USP7: variants seen among roughly 807,000 people sequenced by gnomAD.
USP7 encodes ubiquitin specific peptidase 7.
USP7 carries 9 observed loss-of-function variants against 162.9 expected under a neutral mutation model. The ratio of observed to expected loss-of-function variants is 0.06; its 90% CI spans 0.03 to 0.10. The LOEUF is 0.10. Ranked by LOEUF, USP7 falls within the 10% of genes least tolerant of loss-of-function variation. The pLI is 1.00. For missense variants in USP7, 715 were observed against 1,373.7 expected, an observed-to-expected ratio of 0.52 and a Z score of 7.58; for synonymous variants, 562 against 475.9, an observed-to-expected ratio of 1.18 and a Z score of -2.35.
rs144266553 is a variant in USP7 at position 8,948,685 on chromosome 16, A to C, written c.79+14522T>G. 2.4e-3 allele frequency among the ~76,000 whole-genome samples: 365 copies of C among 152,356 alleles called. 2 individuals are homozygous for C. The highest frequency in any genetic ancestry group is 8.6e-3 in the African/African-American group (356 of 41,580). ...GGAACGACTACTGGCTACGATGTGG[A>C]TGAACCTTGAGGATATTAAGCTAAG... On this transcript the variant is annotated intron_variant, in intron 1 of 30. Coordinates refer to ENST00000344836, the MANE Select transcript of USP7 (RefSeq NM_003470.3).
At chr16:8,958,894 T>G (rs1899904803) in intron 1 of USP7, among the ~76,000 whole-genome samples, 1 of 152,236 alleles carries the variant, frequency 6.6e-6, no homozygotes, top group Non-Finnish European at 1.5e-5. Flanking sequence ...CAGCATTGCT[T>G]AGGCAGAGGC....
intron 2 of USP7, among the ~76,000 whole-genome samples, chr16:8,930,092 G>C (rs370236209): frequency 6.6e-6 from 1 of 152,106 alleles, no homozygotes; most frequent in East Asian, 1.9e-4. Context: ...CCTAGGCTAG[G>C]GAGACTCTAC....
chr16:8,945,079 C>G (rs1031181366), intron 1 of USP7, among the ~76,000 whole-genome samples: 1 of 152,184 alleles, frequency 6.6e-6, no homozygotes, highest in African/African-American at 2.4e-5. Flanking sequence ...TGATGAAACC[C>G]CATCTGTACT....
In USP7 at chr16:8,963,717, T is replaced by C. The variant is rs1341808227; in HGVS notation, c.-432A>G. ...GGCCGGGCGCGGCGGACGGGAGGCC[T>C]GGCCGGCCGCGGCGGGCCTGCGGGC... On this transcript the variant is annotated 5_prime_UTR_variant, in exon 1 of 31. Transcript: ENST00000344836. Among the ~76,000 whole-genome samples, 4 of 137,412 alleles carry C rather than the reference T, an allele frequency of 2.9e-5. No homozygotes were observed. The highest frequency in any genetic ancestry group is 1.1e-4 in the African/African-American group (4 of 37,928). 90.1% of individuals were successfully genotyped at this position (137,412 alleles called of 152,430 possible). A position where few individuals can be genotyped will look rare whatever the true frequency, so the allele number is the denominator to read the frequency against.
chr16:8,919,199 G>A (rs1596376798), intron 5 of USP7, 60 bp from the exon 6 acceptor site: 2 of 1,550,154 alleles, frequency 1.3e-6, no homozygotes, highest in East Asian at 4.5e-5. Flanking sequence ...CCTGCAGTGT[G>A]TGTGAAGCAA....
At chr16:8,921,601 AG>A (rs1706639485) in intron 3 of USP7, among the ~76,000 whole-genome samples, 1 of 152,204 alleles carries the variant, frequency 6.6e-6, no homozygotes, top group Non-Finnish European at 1.5e-5. Context: ...CTGCCGATAT[AG>A]GGGTCACCTC....
intron 30 of USP7, 78 bp from the exon 31 acceptor site, chr16:8,894,182 A>G: frequency 7.4e-7 from 1 of 1,356,828 alleles, no homozygotes; most frequent in Non-Finnish European, 1.1e-6. Context: ...CCAGTGAGGC[A>G]TGCATCCCTG....
chr16:8,919,338 G>T (rs1381739684), intron 5 of USP7, among the ~76,000 whole-genome samples, 199 bp from the exon 6 acceptor site: 2 of 151,872 alleles, frequency 1.3e-5, no homozygotes, highest in Non-Finnish European at 2.9e-5. Context: ...CCCCACATTC[G>T]CACAGCCCTC....
In USP7 at chr16:8,902,792, G is replaced by A. The variant is rs200042321; in HGVS notation, c.1840-310C>T. On this transcript the variant is annotated intron_variant, in intron 16 of 30. Coordinates refer to ENST00000344836, the MANE Select transcript of USP7 (RefSeq NM_003470.3). ...AATCCCAGCTACTTGGGAGGCTGAGGCAGGAGAATTGCTTGAAACCAAAAG... is the reference window on the plus strand; with the variant it reads ...AATCCCAGCTACTTGGGAGGCTGAGACAGGAGAATTGCTTGAAACCAAAAG... 7.9e-5 allele frequency among the ~76,000 whole-genome samples: 12 copies of A among 152,256 alleles called. No homozygotes were observed. The East Asian group carries it at 2.1e-3, about 27-fold the overall frequency.
intron 1 of USP7, among the ~76,000 whole-genome samples, chr16:8,961,170 C>T (rs982247790): frequency 6.6e-6 from 1 of 151,998 alleles, no homozygotes; most frequent in Admixed American, 6.6e-5. Flanking sequence ...TGATGAATTT[C>T]TAAAAATTCA....
chr16:8,922,826 T>C lies in USP7; in HGVS notation c.383+389A>G, dbSNP rs1475498579. The stretch of plus-strand genomic sequence containing the variant: ...CATGTTGTATAAATCCTTCACAAAG[T>C]ATGTTTTACTTGTACTTTCTGAACA... On this transcript the variant is annotated intron_variant, in intron 3 of 30. Coordinates refer to ENST00000344836, the MANE Select transcript of USP7 (RefSeq NM_003470.3). Among the ~76,000 whole-genome samples, 3 of 152,228 alleles carry C rather than the reference T, an allele frequency of 2.0e-5. No homozygotes were observed. In the East Asian group the frequency reaches 5.8e-4, roughly 29 times the overall value.
At chr16:8,930,466 A>G in intron 1 of USP7, 69 bp from the exon 2 acceptor site, 1 of 1,122,220 alleles carries the variant, frequency 8.9e-7, no homozygotes, top group Non-Finnish European at 1.3e-6. Flanking sequence ...CAAAATATAA[A>G]CTTATACTTT....
At chr16:8,903,843 G>A (rs1177467503) in intron 15 of USP7, among the ~76,000 whole-genome samples, 2 of 150,558 alleles carry the variant, frequency 1.3e-5, no homozygotes, top group African/African-American at 4.9e-5. Context: ...CTCAAGCCTG[G>A]GCAACAAGAG....
chr16:8,896,049 C>T (rs2061676369), intron 26 of USP7, among the ~76,000 whole-genome samples: 1 of 151,770 alleles, frequency 6.6e-6, no homozygotes, highest in Admixed American at 6.6e-5. Flanking sequence ...GTTGGTTAGC[C>T]AGGATGGTCT....
chr16:8,896,835 T>C (rs1431063543), intron 26 of USP7, among the ~76,000 whole-genome samples, 164 bp downstream of exon 26: 1 of 152,200 alleles, frequency 6.6e-6, no homozygotes, highest in Non-Finnish European at 1.5e-5. Context: ...GGGTCTGTGT[T>C]GAGCTTCTGT....
At chr16:8,924,122 G>T (rs1379913708) in intron 2 of USP7, among the ~76,000 whole-genome samples, 1 of 152,154 alleles carries the variant, frequency 6.6e-6, no homozygotes, top group Non-Finnish European at 1.5e-5. Context: ...GTGCCTCTTA[G>T]CAGAGGTCCA....
intron 28 of USP7, 60 bp from the exon 29 acceptor site, chr16:8,894,915 C>T (rs375320194): frequency 4.5e-5 from 73 of 1,613,698 alleles, no homozygotes; most frequent in Non-Finnish European, 5.8e-5. Context: ...GGCCACGTCA[C>T]GTGGCAGCCG....
At chr16:8,937,247 T>C (rs2437716) in intron 1 of USP7, among the ~76,000 whole-genome samples, 139,432 of 152,166 alleles carry the variant, frequency 0.92, 63,990 homozygotes, top group South Asian at 0.96. Context: ...ACAACGTGTA[T>C]AAGACAAGCA....
At chr16:8,899,560 T>C (rs1680795314) in intron 22 of USP7, 44 bp downstream of exon 22, 1 of 1,600,962 alleles carries the variant, frequency 6.2e-7, no homozygotes, top group Non-Finnish European at 8.5e-7. Flanking sequence ...AAATTTGTCT[T>C]TCTGGAGTGG....
Sources: allele counts gnomAD v4.1 joint callset (sites outside exome capture counted in the v4.1 genomes callset), GRCh38; gene constraint gnomAD v4.1.1; transcripts MANE v1.5; gene names NCBI Gene and HGNC (gene_info 2026-07-23, HGNC 2026-07-21).